The following ACSL3 variants were observed in gnomAD, a reference collection of about 807,000 sequenced individuals.
ACSL3 encodes the protein acyl-CoA synthetase long chain family member 3.
A neutral mutation model predicts 84.7 loss-of-function variants in ACSL3; 34 were observed. The ratio of observed to expected loss-of-function variants is 0.40; its 90% CI spans 0.31 to 0.53. The LOEUF is 0.53. ACSL3 is among the 20% of genes least tolerant of loss of function. The probability of loss-of-function intolerance (pLI) is 0.48; values close to 1 mark genes in which losing one functional copy is unlikely to be tolerated. For missense variants in ACSL3, 680 were observed against 873.1 expected, an observed-to-expected ratio of 0.78 and a Z score of 2.79; for synonymous variants, 315 against 299.4, an observed-to-expected ratio of 1.05 and a Z score of -0.54.
intron 16 of ACSL3, among the ~76,000 whole-genome samples, 179 bp from the exon 17 acceptor site, chr2:222,941,318 T>C (rs1266400070): frequency 1.3e-5 from 2 of 152,184 alleles, no homozygotes; most frequent in Non-Finnish European, 2.9e-5. Context: ...TGGGGACTTG[T>C]TAAATAGTTT....
chr2:222,888,532 A>G (rs1335698325), intron 2 of ACSL3, among the ~76,000 whole-genome samples: 6 of 152,348 alleles, frequency 3.9e-5, no homozygotes, highest in South Asian at 4.2e-4. Flanking sequence ...ATCCATTAGA[A>G]TCATGATAGT....
intron 9 of ACSL3, 53 bp downstream of exon 9, chr2:222,922,884 TG>T: frequency 6.2e-7 from 1 of 1,607,000 alleles, no homozygotes; most frequent in Non-Finnish European, 8.5e-7. Context: ...TGAATTGTAA[TG>T]CATTTTTTTC....
chr2:222,932,280 ATACT>A (rs1318152507), intron 14 of ACSL3, among the ~76,000 whole-genome samples: 1 of 152,256 alleles, frequency 6.6e-6, no homozygotes, highest in Non-Finnish European at 1.5e-5. Flanking sequence ...TCAGAAGAAC[ATACT>A]TGAAGCCCTG....
chr2:222,940,361 A>G (rs1697270218), intron 16 of ACSL3, among the ~76,000 whole-genome samples: 1 of 151,888 alleles, frequency 6.6e-6, no homozygotes, highest in Admixed American at 6.6e-5. Context: ...GAATTTCCCC[A>G]TTTCCTTTCT....
intron 1 of ACSL3, among the ~76,000 whole-genome samples, chr2:222,878,339 G>A (rs887528104): frequency 3.9e-5 from 6 of 152,196 alleles, no homozygotes; most frequent in African/African-American, 9.6e-5. Flanking sequence ...ATATGCTAAT[G>A]TAATTTAAAA....
intron 12 of ACSL3, among the ~76,000 whole-genome samples, chr2:222,927,928 A>G (rs1696925815): frequency 6.6e-6 from 1 of 152,054 alleles, no homozygotes; most frequent in African/African-American, 2.4e-5. Flanking sequence ...CTGTTTTCGT[A>G]TATTTTTGGA....
intron 1 of ACSL3, among the ~76,000 whole-genome samples, chr2:222,882,080 C>T (rs996029304): frequency 1.3e-5 from 2 of 152,192 alleles, no homozygotes; most frequent in Non-Finnish European, 2.9e-5. Context: ...TATATCAGCT[C>T]TTGTAAACTA....
intron 3 of ACSL3, among the ~76,000 whole-genome samples, chr2:222,901,100 CA>C (rs1696134122): frequency 6.6e-6 from 1 of 152,162 alleles, no homozygotes; most frequent in Non-Finnish European, 1.5e-5. Context: ...TTTAAGATCA[CA>C]AAAAATTGCC....
intron 3 of ACSL3, among the ~76,000 whole-genome samples, chr2:222,902,776 TCTC>T (rs1399642058): frequency 1.6e-4 from 24 of 152,310 alleles, no homozygotes; most frequent in Non-Finnish European, 3.1e-4. Flanking sequence ...AGTGCAGACT[TCTC>T]CTCTGCATGA....
chr2:222,909,065 A>G lies in ACSL3; in HGVS notation c.293A>G (p.Lys98Arg). The change falls in exon 4 of 17, where the codon AAA becomes AGA. Residue 98 changes from lysine to arginine, a missense_variant. Lys to Arg is a conservative substitution (Grantham distance 26). Around this residue, in one of 2 missense-constraint regions of ACSL3, gnomAD observed 333 missense variants for 347.5 expected, o/e 0.96. Transcript: ENST00000357430. ...AAAGTTTTTACATATGCAAAAAACA[A>G]ATTTAAGAACAAAAGACTCTTGGGA... ...LDKVFTYAKN[K>R]FKNKRLLGTR... 1 of 1,612,296 alleles carries G rather than the reference A, an allele frequency of 6.2e-7. No individual in the cohort carries two copies. The highest frequency in any genetic ancestry group is 8.5e-7 in the Non-Finnish European group (1 of 1,179,466).
At chr2:222,869,537 A>G (rs1695246648) in intron 1 of ACSL3, among the ~76,000 whole-genome samples, 1 of 152,262 alleles carries the variant, frequency 6.6e-6, no homozygotes, top group South Asian at 2.1e-4. Context: ...GGGGACTAGG[A>G]AATGTTAATT....
At chr2:222,905,980 A>G (rs1696281197) in intron 3 of ACSL3, among the ~76,000 whole-genome samples, 1 of 151,874 alleles carries the variant, frequency 6.6e-6, no homozygotes. Flanking sequence ...TTCAAGGACA[A>G]TTTCTGCTGC....
chr2:222,932,147 C>A (rs2106139567), intron 14 of ACSL3, among the ~76,000 whole-genome samples: 1 of 152,264 alleles, frequency 6.6e-6, no homozygotes, highest in South Asian at 2.1e-4. Flanking sequence ...CATTGTAGTA[C>A]CAATGTATTG....
chr2:222,874,696 C>T (rs982926043), intron 1 of ACSL3, among the ~76,000 whole-genome samples: 1 of 151,750 alleles, frequency 6.6e-6, no homozygotes, highest in Non-Finnish European at 1.5e-5. Flanking sequence ...AATTAGCAAC[C>T]CGAGTATTTA....
At chr2:222,901,012 A>T (rs1443685202) in intron 3 of ACSL3, among the ~76,000 whole-genome samples, 1 of 152,124 alleles carries the variant, frequency 6.6e-6, no homozygotes, top group African/African-American at 2.4e-5. Context: ...GTGCTTGGTC[A>T]ATCTGTGTGG....
chr2:222,930,928 G>A, intron 14 of ACSL3, 116 bp downstream of exon 14: 8 of 933,454 alleles, frequency 8.6e-6, no homozygotes, highest in Non-Finnish European at 1.1e-5. Flanking sequence ...TCTTAGTTTG[G>A]GTTGTTGCAT....
Position 222,933,284 on chromosome 2 carries a change from A to C in ACSL3, c.1847+4A>C. On this transcript the variant is annotated splice_donor_region_variant and intron_variant, in intron 15 of 16. Coordinates refer to ENST00000357430, the MANE Select transcript of ACSL3 (RefSeq NM_004457.5). Reference sequence around the variant, plus strand: ...ACATTTGTGCATATGCAAACAGGTAAGAACGTGGAATTCATACTACTTTTA... The same window carrying C: ...ACATTTGTGCATATGCAAACAGGTACGAACGTGGAATTCATACTACTTTTA... 1 of 1,590,462 alleles carries C rather than the reference A, an allele frequency of 6.3e-7. No individual in the cohort carries two copies. Among genetic ancestry groups the C allele is most frequent in the Non-Finnish European group, 8.6e-7 (1 of 1,161,270 alleles).
chr2:222,894,834 A>G (rs972634529), intron 2 of ACSL3, among the ~76,000 whole-genome samples: 10 of 152,136 alleles, frequency 6.6e-5, no homozygotes. Context: ...TAGTCTGTTC[A>G]ATGGGTATAT....
intron 5 of ACSL3, 52 bp from the exon 6 acceptor site, chr2:222,917,994 C>G: frequency 7.6e-7 from 1 of 1,312,514 alleles, no homozygotes; most frequent in Non-Finnish European, 1.1e-6. Flanking sequence ...AGAGACTTTA[C>G]ATTTGTAGTT....
Sources: gnomAD v4.1 joint callset for allele counts (sites outside exome capture counted in the v4.1 genomes callset) on GRCh38, gnomAD v4.1.1 for gene constraint, gnomAD v4.1.1 regional missense constraint, MANE v1.5 for transcripts, NCBI Gene and HGNC (gene_info 2026-07-23, HGNC 2026-07-21) for gene names.